The following DDX6 variants were observed in gnomAD, a reference collection of about 807,000 sequenced individuals.
DDX6 encodes the protein probable ATP-dependent RNA helicase DDX6.
DDX6 carries 7 observed loss-of-function variants against 60.6 expected under a neutral mutation model. The observed-to-expected ratio is 0.12, with a 90% CI of 0.07 to 0.22. DDX6 has a LOEUF of 0.22. Ranked by LOEUF, DDX6 falls within the 10% of genes least tolerant of loss-of-function variation. The pLI, the probability that DDX6 is intolerant of heterozygous loss-of-function variation, is 1.00. For missense variants in DDX6, 270 were observed against 589.9 expected (o/e 0.46, Z 5.62); for synonymous variants, 207 against 201.0 (o/e 1.03, Z -0.25).
intron 4 of DDX6, among the ~76,000 whole-genome samples, chr11:118,775,572 C>T (rs2137510460): frequency 6.6e-6 from 1 of 152,140 alleles, no homozygotes; most frequent in Non-Finnish European, 1.5e-5. Context: ...CAAGTGGTGA[C>T]CTTGAGTATC....
Position 118,765,145 on chromosome 11 carries a change from T to C in DDX6, c.646+64A>G, listed in dbSNP as rs943446160. The C allele has an allele frequency of 4.5e-6, 7 of 1,557,642 alleles. No individual in the cohort carries two copies. In the African/African-American group the frequency reaches 9.6e-5, roughly 21 times the overall value. On this transcript the variant is annotated intron_variant, in intron 6 of 13. Transcript: ENST00000534980. ...ATTCTTAAAAACAATTTTTAATAAT[T>C]TACTGAAATACTTGTGACTAAAATA...
intron 3 of DDX6, among the ~76,000 whole-genome samples, chr11:118,780,765 A>C (rs1184723868): frequency 6.6e-5 from 10 of 152,158 alleles, no homozygotes; most frequent in Non-Finnish European, 4.4e-5. Context: ...CAAATTTCTC[A>C]AGCTCAGCAC....
intron 5 of DDX6, among the ~76,000 whole-genome samples, chr11:118,766,416 A>G (rs1429307327): frequency 2.0e-5 from 3 of 152,174 alleles, no homozygotes; most frequent in East Asian, 3.8e-4. Flanking sequence ...AATGGGTGAC[A>G]CAGCAAGACT....
intron 4 of DDX6, 68 bp downstream of exon 4, chr11:118,779,564 G>T: frequency 9.6e-7 from 1 of 1,041,168 alleles, no homozygotes; most frequent in Non-Finnish European, 1.4e-6. Flanking sequence ...CACTTCTGCA[G>T]AGCAAAAAGA....
At chr11:118,789,325 G>C (rs1862189070) in intron 1 of DDX6, 1 of 152,108 alleles carries the variant, frequency 6.6e-6, no homozygotes. Flanking sequence ...TGATCCGCCT[G>C]TCTTGGCCTC....
chr11:118,764,263 CTGT>C (rs1435454444), intron 6 of DDX6, among the ~76,000 whole-genome samples: 9 of 152,216 alleles, frequency 5.9e-5, no homozygotes, highest in Admixed American at 3.3e-4. Flanking sequence ...CTCATTCTTG[CTGT>C]TTTGTTACCT....
intron 5 of DDX6, 56 bp downstream of exon 5, chr11:118,768,167 G>A (rs1431526904): frequency 2.6e-6 from 4 of 1,528,064 alleles, no homozygotes; most frequent in Non-Finnish European, 3.6e-6. Flanking sequence ...TCTACACATG[G>A]CTCCAAGGCT....
At chr11:118,770,363 C>A (rs909696103) in intron 4 of DDX6, among the ~76,000 whole-genome samples, 27 of 152,100 alleles carry the variant, frequency 1.8e-4, no homozygotes, top group African/African-American at 6.3e-4. Flanking sequence ...ATACTAGGAA[C>A]CAAATTCACA....
intron 7 of DDX6, among the ~76,000 whole-genome samples, chr11:118,761,012 C>A (rs1019712086): frequency 6.6e-6 from 1 of 151,842 alleles, no homozygotes; most frequent in Non-Finnish European, 1.5e-5. Flanking sequence ...CAGTGGCAAG[C>A]GCCTGTAATT....
chr11:118,786,116 T>G lies in DDX6; in HGVS notation c.136A>C (p.Lys46Gln). Residue 46 changes from lysine (K) to glutamine (Q), a missense_variant, in exon 2 of 14, where the codon AAA becomes CAA. Around this residue, in one of 8 missense-constraint regions of DDX6, gnomAD observed 102 missense variants for 110.5 expected, o/e 0.92. Coordinates refer to ENST00000534980, the MANE Select transcript of DDX6 (RefSeq NM_004397.6). ...TQTQQQMNQL[K>Q]NTNTINNGTQ... The stretch of plus-strand genomic sequence containing the variant: ...CCATTATTGATTGTGTTGGTGTTTT[T>G]CAGCTGGTTCATCTGTTGCTGTGTC... The G allele has an allele frequency of 6.2e-7, 1 of 1,614,040 alleles. No homozygotes were observed. The highest frequency in any genetic ancestry group is 8.5e-7 in the Non-Finnish European group (1 of 1,179,900).
At chr11:118,763,372 A>G (rs1861239275) in intron 6 of DDX6, 66 bp from the exon 7 acceptor site, 4 of 1,218,042 alleles carry the variant, frequency 3.3e-6, no homozygotes, top group Admixed American at 1.7e-5. Flanking sequence ...ATAAAGGTTT[A>G]TAATATTACA....
intron 6 of DDX6, among the ~76,000 whole-genome samples, chr11:118,764,835 C>CACAG (rs1276508733): frequency 6.7e-6 from 1 of 150,322 alleles, no homozygotes; most frequent in African/African-American, 2.5e-5. Flanking sequence ...CACACACACA[C>CACAG]ACATTATATA....
intron 4 of DDX6, among the ~76,000 whole-genome samples, chr11:118,772,418 G>A (rs1365701151): frequency 6.6e-6 from 1 of 152,090 alleles, no homozygotes; most frequent in Non-Finnish European, 1.5e-5. Flanking sequence ...ACATACTATA[G>A]GATTCTATTT....
intron 5 of DDX6, chr11:118,767,626 C>CTTTTTTTTTTTTTTTTTTTTT (rs5795138): frequency 1.1e-5 from 1 of 88,722 alleles, no homozygotes; most frequent in Non-Finnish European, 2.0e-5. Flanking sequence ...CCTCAGCCGC[C>CTTTTTTTTTTTTTTTTTTTTT]TTTTTTTTTT....
intron 11 of DDX6, among the ~76,000 whole-genome samples, chr11:118,755,974 CA>C (rs1233277950): frequency 6.7e-5 from 10 of 150,342 alleles, no homozygotes; most frequent in Non-Finnish European, 1.5e-4. Flanking sequence ...GCCAAGATCG[CA>C]CCACTGCACT....
intron 6 of DDX6, among the ~76,000 whole-genome samples, chr11:118,764,293 G>A (rs1188777281): frequency 6.6e-6 from 1 of 152,124 alleles, no homozygotes; most frequent in Non-Finnish European, 1.5e-5. Context: ...ACTCGGCAAT[G>A]TATCATGAAA....
intron 7 of DDX6, among the ~76,000 whole-genome samples, chr11:118,762,827 AAC>A (rs1861220157): frequency 6.6e-6 from 1 of 152,208 alleles, no homozygotes; most frequent in Non-Finnish European, 1.5e-5. Context: ...TAATACATGT[AAC>A]AGAGATTAAA....
At chr11:118,767,300 TA>T (rs1217622029) in intron 5 of DDX6, among the ~76,000 whole-genome samples, 1 of 152,190 alleles carries the variant, frequency 6.6e-6, no homozygotes, top group Non-Finnish European at 1.5e-5. Context: ...ATTCACTGTG[TA>T]AAATACCTAG....
At chr11:118,763,405 T>G (rs1861240296) in intron 6 of DDX6, 99 bp from the exon 7 acceptor site, 1 of 894,550 alleles carries the variant, frequency 1.1e-6, no homozygotes, top group Non-Finnish European at 1.8e-6. Context: ...TTAATGATAA[T>G]TCTGAGAAAT....
Sources: gnomAD v4.1 joint callset for allele counts (sites outside exome capture counted in the v4.1 genomes callset) on GRCh38, gnomAD v4.1.1 for gene constraint, gnomAD v4.1.1 regional missense constraint, MANE v1.5 for transcripts, NCBI Gene and HGNC (gene_info 2026-07-23, HGNC 2026-07-21) for gene names.